LYPLAL1: variants seen among roughly 807,000 people sequenced by gnomAD.
The protein encoded by LYPLAL1 is lysophospholipase like 1.
In LYPLAL1, 23 loss-of-function variants were observed where a neutral mutation model predicts 19.7. The observed-to-expected ratio is 1.17, with a 90% CI of 0.84 to 1.65. LYPLAL1 has a LOEUF of 1.65. Among genes scored for constraint, LYPLAL1 ranks in the 40% most tolerant of loss-of-function variants. The pLI, the probability that LYPLAL1 is intolerant of heterozygous loss-of-function variation, is 0.00. For missense variants in LYPLAL1, 355 were observed against 279.4 expected (o/e 1.27, Z -1.93); for synonymous variants, 119 against 96.3 (o/e 1.24, Z -1.38).
the LYPLAL1 span, among the ~76,000 whole-genome samples, chr1:219,441,855 G>A: frequency 6.6e-6 from 1 of 152,154 alleles, no homozygotes. Context: ...AGCTTCAAGG[G>A]AGTCTGGGAA....
At chr1:219,361,814 G>T in the LYPLAL1 span, among the ~76,000 whole-genome samples, 1 of 152,282 alleles carries the variant, frequency 6.6e-6, no homozygotes, top group Admixed American at 6.5e-5. Flanking sequence ...TAGAGGGATT[G>T]AGCTTGGAGA....
At chr1:219,260,676 G>A in the LYPLAL1 span, among the ~76,000 whole-genome samples, 1 of 148,166 alleles carries the variant, frequency 6.7e-6, no homozygotes. Context: ...AATATAGGTG[G>A]CATACACACA....
the LYPLAL1 span, among the ~76,000 whole-genome samples, chr1:219,361,627 G>T: frequency 6.6e-6 from 1 of 152,090 alleles, no homozygotes; most frequent in Non-Finnish European, 1.5e-5. Context: ...AAGAAAGGTT[G>T]ATCCGATGTC....
the LYPLAL1 span, among the ~76,000 whole-genome samples, chr1:219,269,939 A>G: frequency 6.6e-6 from 1 of 152,234 alleles, no homozygotes; most frequent in East Asian, 1.9e-4. Context: ...AAGTGACAAA[A>G]ATATGAACGA....
chr1:219,380,921 T>A, the LYPLAL1 span, among the ~76,000 whole-genome samples: 1 of 152,292 alleles, frequency 6.6e-6, no homozygotes, highest in African/African-American at 2.4e-5. Context: ...CAGGCTGAAT[T>A]TGACCCAGGG....
chr1:219,204,133 A>T (rs561460051), intron 3 of LYPLAL1, among the ~76,000 whole-genome samples: 1 of 152,330 alleles, frequency 6.6e-6, no homozygotes, highest in African/African-American at 2.4e-5. Flanking sequence ...TTAGGAATAT[A>T]AGAAAAATGT....
chr1:219,227,644 G>T, the LYPLAL1 span, among the ~76,000 whole-genome samples: 1 of 151,762 alleles, frequency 6.6e-6, no homozygotes, highest in African/African-American at 2.4e-5. Context: ...AGATTGCATA[G>T]GACTTGGCAA....
chr1:219,366,773 A>G, the LYPLAL1 span, among the ~76,000 whole-genome samples: 1 of 152,110 alleles, frequency 6.6e-6, no homozygotes, highest in Admixed American at 6.6e-5. Flanking sequence ...CGTGAATGAA[A>G]GAAAAGGATA....
intron 3 of LYPLAL1, among the ~76,000 whole-genome samples, chr1:219,197,846 A>G (rs1369365017): frequency 1.3e-5 from 2 of 152,132 alleles, no homozygotes; most frequent in African/African-American, 4.8e-5. Context: ...AGCAGAAACA[A>G]ATCTTAAATG....
the LYPLAL1 span, among the ~76,000 whole-genome samples, chr1:219,437,742 T>TA: frequency 5.5e-5 from 8 of 145,594 alleles, no homozygotes; most frequent in Admixed American, 1.4e-4. Flanking sequence ...TATTTTATTA[T>TA]TTTATTGTAT....
chr1:219,279,273 C>T, the LYPLAL1 span, among the ~76,000 whole-genome samples: 1 of 152,158 alleles, frequency 6.6e-6, no homozygotes, highest in South Asian at 2.1e-4. Flanking sequence ...TAGTAGGTAC[C>T]AATGCTCCTA....
chr1:219,338,244 G>T, the LYPLAL1 span, among the ~76,000 whole-genome samples: 1 of 152,062 alleles, frequency 6.6e-6, no homozygotes, highest in South Asian at 2.1e-4. Flanking sequence ...ATTTAGGCAA[G>T]AAAATATCTA....
intron 3 of LYPLAL1, chr1:219,198,528 A>C (rs1312877208): frequency 6.6e-6 from 1 of 152,140 alleles, no homozygotes; most frequent in Admixed American, 6.5e-5. Context: ...ATAAGTTATT[A>C]AACATTTATG....
chr1:219,328,977 G>A, the LYPLAL1 span, among the ~76,000 whole-genome samples: 1 of 151,826 alleles, frequency 6.6e-6, no homozygotes, highest in African/African-American at 2.4e-5. Flanking sequence ...TTATACCACA[G>A]GGGTTTTCAT....
At chr1:219,296,449 G>T in the LYPLAL1 span, among the ~76,000 whole-genome samples, 1 of 152,254 alleles carries the variant, frequency 6.6e-6, no homozygotes, top group East Asian at 1.9e-4. Context: ...GTGAACAGTG[G>T]TTAGTTTGTT....
At chr1:219,350,580 AGT>A in the LYPLAL1 span, among the ~76,000 whole-genome samples, 1 of 152,226 alleles carries the variant, frequency 6.6e-6, no homozygotes, top group East Asian at 1.9e-4. Flanking sequence ...AAGATAGCAA[AGT>A]GTAGAGCTGA....
At chr1:219,332,822 G>GCC in the LYPLAL1 span, among the ~76,000 whole-genome samples, 537 of 125,596 alleles carry the variant, frequency 4.3e-3, 17 homozygotes, top group Admixed American at 0.022. Flanking sequence ...CTGATTTTCT[G>GCC]CCCCCCCCCC....
the LYPLAL1 span, among the ~76,000 whole-genome samples, chr1:219,407,577 G>C: frequency 6.6e-6 from 1 of 152,136 alleles, no homozygotes; most frequent in South Asian, 2.1e-4. Flanking sequence ...GATGTGAGAG[G>C]TATGTTTTGT....
the LYPLAL1 span, among the ~76,000 whole-genome samples, chr1:219,323,824 A>G: frequency 6.6e-6 from 1 of 152,222 alleles, no homozygotes; most frequent in African/African-American, 2.4e-5. Flanking sequence ...ATGGAAATAT[A>G]CTATCAACAC....
Sources: allele counts gnomAD v4.1 joint callset (sites outside exome capture counted in the v4.1 genomes callset), GRCh38; gene constraint gnomAD v4.1.1; transcripts MANE v1.5; gene names NCBI Gene and HGNC (gene_info 2026-07-23, HGNC 2026-07-21).